ME1: variants seen among roughly 807,000 people sequenced by gnomAD.
The protein encoded by ME1 is NADP-dependent malic enzyme.
A neutral mutation model predicts 66.4 loss-of-function variants in ME1; 74 were observed. That is an observed-to-expected ratio of 1.11 (90% confidence interval 0.92 to 1.35). ME1 has a LOEUF of 1.35. ME1 is among the 40% of genes most tolerant of loss of function. The pLI, the probability that ME1 is intolerant of heterozygous loss-of-function variation, is 0.00. For missense variants in ME1, 750 were observed against 694.1 expected (o/e 1.08, Z -0.90); for synonymous variants, 251 against 235.6 (o/e 1.07, Z -0.60).
intron 3 of ME1, among the ~76,000 whole-genome samples, chr6:83,376,509 G>GA (rs1769292637): frequency 7.3e-6 from 1 of 137,896 alleles, no homozygotes; most frequent in African/African-American, 2.7e-5. Context: ...AAAAAAAAAA[G>GA]AAAAAAAGAG....
intron 1 of ME1, among the ~76,000 whole-genome samples, chr6:83,422,145 G>T (rs1013158928): frequency 6.6e-6 from 1 of 152,104 alleles, no homozygotes. Flanking sequence ...TGAGCTAAAC[G>T]TGCATAGATT....
Position 83,376,283 on chromosome 6 carries a change from G to A in ME1, c.362+22084C>T, listed in dbSNP as rs940966072. Reference sequence around the variant, plus strand: ...AGCCTGAGGTAGGTGAATCGCCTGAGGTCAGGAGTTCAAGACCAGCCTGGG... The same window carrying A: ...AGCCTGAGGTAGGTGAATCGCCTGAAGTCAGGAGTTCAAGACCAGCCTGGG... On this transcript the variant is annotated intron_variant, in intron 3 of 13. Transcript: ENST00000369705. Among the ~76,000 whole-genome samples, 12 of 152,168 alleles carry A rather than the reference G, an allele frequency of 7.9e-5. No homozygotes were observed. The East Asian group carries it at 2.3e-3, about 29-fold the overall frequency.
At chr6:83,292,412 C>T (rs1025593621) in intron 6 of ME1, among the ~76,000 whole-genome samples, 11 of 152,190 alleles carry the variant, frequency 7.2e-5, no homozygotes, top group African/African-American at 2.4e-4. Context: ...GCTGGAGGTC[C>T]CCTCCATACC....
intron 1 of ME1, among the ~76,000 whole-genome samples, chr6:83,416,575 T>C (rs1770163509): frequency 6.6e-6 from 1 of 152,118 alleles, no homozygotes. Context: ...CCATTTTAAA[T>C]GAAATAAACA....
chr6:83,233,874 T>C (rs923402258), intron 9 of ME1, among the ~76,000 whole-genome samples: 4 of 151,974 alleles, frequency 2.6e-5, no homozygotes, highest in African/African-American at 9.7e-5. Flanking sequence ...CAAAAGTCAA[T>C]ATAAGGATTT....
rs1262150449 is a variant in ME1, at chr6:83,364,975, C to T, written c.363-12836G>A. ...ATCTCTGAAGTAAGTAGCTCTCCTA[C>T]CTGGAAGTCCTCCTCGTCCCACTGG... On this transcript the variant is annotated intron_variant, in intron 3 of 13. Coordinates refer to ENST00000369705, the MANE Select transcript of ME1 (RefSeq NM_002395.6). Among the ~76,000 whole-genome samples the T allele has an allele frequency of 3.3e-5, 5 of 152,296 alleles. No individual in the cohort carries two copies. The South Asian group carries it at 8.3e-4, about 25-fold the overall frequency.
At chr6:83,380,447 A>T (rs1028392483) in intron 3 of ME1, among the ~76,000 whole-genome samples, 4 of 152,078 alleles carry the variant, frequency 2.6e-5, no homozygotes, top group African/African-American at 9.7e-5. Context: ...ACAGTCTTCA[A>T]GGGTAAATAT....
chr6:83,249,469 C>T (rs919784243), intron 7 of ME1, among the ~76,000 whole-genome samples: 1 of 152,120 alleles, frequency 6.6e-6, no homozygotes, highest in Non-Finnish European at 1.5e-5. Flanking sequence ...TCGTGATCCG[C>T]CCGCCTTGGC....
intron 6 of ME1, among the ~76,000 whole-genome samples, chr6:83,254,857 G>C (rs1766729979): frequency 6.6e-6 from 1 of 152,038 alleles, no homozygotes; most frequent in African/African-American, 2.4e-5. Context: ...CAAAATCAAA[G>C]CTATAGTTAC....
intron 9 of ME1, among the ~76,000 whole-genome samples, chr6:83,230,945 T>C (rs776123302): frequency 6.8e-4 from 103 of 151,426 alleles, no homozygotes; most frequent in African/African-American, 2.3e-3. Context: ...AAATAAAAAA[T>C]AAAAAAAAGA....
At chr6:83,224,988 G>A (rs1790163559) in intron 11 of ME1, among the ~76,000 whole-genome samples, 1 of 151,152 alleles carries the variant, frequency 6.6e-6, no homozygotes, top group Non-Finnish European at 1.5e-5. Flanking sequence ...GATGACTTGA[G>A]GTCAGGAGTT....
At chr6:83,395,116 G>A (rs2065733) in intron 3 of ME1, among the ~76,000 whole-genome samples, 47,530 of 150,836 alleles carry the variant, frequency 0.32, 7,876 homozygotes, top group Middle Eastern at 0.5. Flanking sequence ...TTGAGATGGA[G>A]TCTCACTCTG....
At chr6:83,399,866 G>C (rs1256169469) in intron 2 of ME1, among the ~76,000 whole-genome samples, 1 of 152,168 alleles carries the variant, frequency 6.6e-6, no homozygotes, top group East Asian at 1.9e-4. Flanking sequence ...CAATTAGATA[G>C]ACATAACCCA....
At chr6:83,366,264 A>G (rs1045962194) in intron 3 of ME1, among the ~76,000 whole-genome samples, 1 of 152,086 alleles carries the variant, frequency 6.6e-6, no homozygotes, top group Admixed American at 6.5e-5. Flanking sequence ...GCTAGCTCCT[A>G]ATTGCTTACC....
intron 5 of ME1, among the ~76,000 whole-genome samples, chr6:83,322,195 C>G (rs1411070049): frequency 6.6e-6 from 1 of 152,148 alleles, no homozygotes; most frequent in Non-Finnish European, 1.5e-5. Flanking sequence ...TGAAGATCAG[C>G]AAAAACCAGC....
chr6:83,325,903 G>T, intron 5 of ME1, among the ~76,000 whole-genome samples: 1 of 146,410 alleles, frequency 6.8e-6, no homozygotes, highest in East Asian at 2.0e-4. Context: ...AGCCCATATA[G>T]CCCAGACAAT....
intron 8 of ME1, among the ~76,000 whole-genome samples, 169 bp from the exon 9 acceptor site, chr6:83,237,999 T>C (rs540058388): frequency 6.6e-6 from 1 of 152,338 alleles, no homozygotes; most frequent in African/African-American, 2.4e-5. Flanking sequence ...GCCACTATTA[T>C]GTGGCTTGCT....
intron 3 of ME1, among the ~76,000 whole-genome samples, chr6:83,356,456 A>G (rs1768891701): frequency 6.6e-6 from 1 of 152,216 alleles, no homozygotes; most frequent in Admixed American, 6.5e-5. Context: ...AATAGCTAGG[A>G]TAAAGATGCA....
At chr6:83,312,595 G>A (rs1479850851) in intron 6 of ME1, among the ~76,000 whole-genome samples, 1 of 152,144 alleles carries the variant, frequency 6.6e-6, no homozygotes, top group Non-Finnish European at 1.5e-5. Flanking sequence ...GAAAGAGAGG[G>A]AGGTTGATGG....
Sources: allele counts gnomAD v4.1 joint callset (sites outside exome capture counted in the v4.1 genomes callset), GRCh38; gene constraint gnomAD v4.1.1; transcripts MANE v1.5; gene names NCBI Gene and HGNC (gene_info 2026-07-23, HGNC 2026-07-21).